ECHS1: variants seen among roughly 807,000 people sequenced by gnomAD.
The protein encoded by ECHS1 is enoyl-CoA hydratase, short chain 1.
ECHS1 carries 19 observed loss-of-function variants against 33.5 expected under a neutral mutation model. The observed-to-expected ratio is 0.57, with a 90% CI of 0.40 to 0.83. The LOEUF (loss-of-function observed/expected upper bound fraction) is 0.83, where lower values mean the gene tolerates loss of function less well. ECHS1 is among the 40% of genes least tolerant of loss of function. The pLI is 0.00. For synonymous variants in ECHS1, 158 were observed against 146.6 expected (o/e 1.08, Z -0.56); for missense variants, 365 against 381.3 (o/e 0.96, Z 0.36).
At chr10:133,368,777 G>A (rs911939260) in intron 4 of ECHS1, 146 bp downstream of exon 4, 31 of 684,976 alleles carry the variant, frequency 4.5e-5, no homozygotes, top group African/African-American at 2.2e-4. Context: ...TCTAGCCTCC[G>A]TGGCTGTCCA....
Position 133,370,541 on chromosome 10 carries a change from C to T in ECHS1, c.286+19G>A, listed in dbSNP as rs762333351. 28 of 1,508,582 alleles carry T rather than the reference C, an allele frequency of 1.9e-5. No individual in the cohort carries two copies. Among genetic ancestry groups the T allele is most frequent in the Middle Eastern group, 1.9e-4 (1 of 5,226 alleles). 93.4% of individuals were successfully genotyped at this position (1,508,582 alleles called of 1,614,324 possible). On this transcript the variant is annotated intron_variant, in intron 2 of 7. Transcript: ENST00000368547. ...TCCCACATCTGCCCAGACACAAAGG[C>T]CTCTGCTGCCGCGCGTACCTGCAAA...
intron 1 of ECHS1, chr10:133,371,670 G>C (rs1191823098): frequency 6.5e-6 from 1 of 154,650 alleles, no homozygotes; most frequent in Non-Finnish European, 1.5e-5. Context: ...TGGACAGCAA[G>C]GTGGGAAGGA....
intron 1 of ECHS1, chr10:133,371,568 C>G (rs1010820656): frequency 6.5e-6 from 1 of 154,586 alleles, no homozygotes. Flanking sequence ...GCATTAAGAT[C>G]AGGCACAGGT....
chr10:133,372,172 A>G (rs946379178), intron 1 of ECHS1, among the ~76,000 whole-genome samples: 4 of 152,230 alleles, frequency 2.6e-5, no homozygotes, highest in African/African-American at 9.6e-5. Context: ...AAGATCCAGG[A>G]AAGGGCTGCT....
rs1849005206 is a variant in ECHS1 at position 133,364,578 on chromosome 10, G to T, written c.807+80C>A. 5.3e-6 allele frequency: 6 copies of T among 1,137,442 alleles called. No homozygotes were observed. The South Asian group carries it at 7.6e-5, about 14-fold the overall frequency. The allele number at this position is 1,137,442 out of a possible 1,614,324, so 70.5% of individuals were successfully genotyped here. On this transcript the variant is annotated intron_variant, in intron 7 of 7. Transcript: ENST00000368547. ...TGACCAGAAAGAAACGATACTTAAT[G>T]ATAAAATTTAAAAGGAAATTCCCAG...
rs186464506 is a variant in ECHS1, at chr10:133,366,773, T to C, written c.619+116A>G. ...ACCCATGAGGGGGACACCTGGATGC[T>C]GCCCCGGGTTTCTGTGGGGCTCCCC... On this transcript the variant is annotated intron_variant, in intron 5 of 7. Transcript: ENST00000368547. The C allele has an allele frequency of 4.9e-3, 3,541 of 717,640 alleles. 172 individuals carry two copies. In the African/African-American group the frequency reaches 0.062, roughly 12 times the overall value. The allele number at this position is 717,640 out of a possible 1,614,324, so 44.5% of individuals were successfully genotyped here.
At chr10:133,370,105 C>G in intron 2 of ECHS1, 74 bp from the exon 3 acceptor site, 1 of 1,576,530 alleles carries the variant, frequency 6.3e-7, no homozygotes. Context: ...CTCAGACCAA[C>G]AAGGAACTTC....
At chr10:133,372,272 A>G (rs1849118242) in intron 1 of ECHS1, among the ~76,000 whole-genome samples, 1 of 152,212 alleles carries the variant, frequency 6.6e-6, no homozygotes, top group South Asian at 2.1e-4. Flanking sequence ...TGAGGGAGGA[A>G]GAGGAAGCAA....
chr10:133,365,838 G>T, intron 6 of ECHS1, 138 bp downstream of exon 6: 2 of 1,067,486 alleles, frequency 1.9e-6, no homozygotes, highest in Non-Finnish European at 1.4e-6. Flanking sequence ...TCTACAGACA[G>T]CAGAACTGAG....
At chr10:133,363,804 T>G (rs1848997137) in intron 7 of ECHS1, among the ~76,000 whole-genome samples, 1 of 152,138 alleles carries the variant, frequency 6.6e-6, no homozygotes, top group African/African-American at 2.4e-5. Context: ...AAATTAAAAT[T>G]ATGATGGTAA....
chr10:133,370,125 C>T (rs1157979478), intron 2 of ECHS1, 94 bp from the exon 3 acceptor site: 6 of 1,521,592 alleles, frequency 3.9e-6, no homozygotes, highest in African/African-American at 1.4e-5. Flanking sequence ...CAGAGCACAC[C>T]AGACACAGGC....
At position 133,370,553 on chromosome 10, in the gene ECHS1, C is replaced by T. The variant is rs368743166; in HGVS notation, c.286+7G>A. 1.0e-5 allele frequency: 16 copies of T among 1,545,740 alleles called. No individual in the cohort carries two copies. In the African/African-American group the frequency reaches 1.1e-4, roughly 11 times the overall value. Reference sequence around the variant, plus strand: ...CCAGACACAAAGGCCTCTGCTGCCGCGCGTACCTGCAAAGGCCTTATCCCC... The same window carrying T: ...CCAGACACAAAGGCCTCTGCTGCCGTGCGTACCTGCAAAGGCCTTATCCCC... On this transcript the variant is annotated splice_region_variant and intron_variant, in intron 2 of 7. Transcript: ENST00000368547.
intron 4 of ECHS1, among the ~76,000 whole-genome samples, chr10:133,367,727 C>T (rs538330206): frequency 7.2e-4 from 109 of 151,758 alleles, no homozygotes; most frequent in African/African-American, 2.5e-3. Context: ...TTTCATGCTC[C>T]TCCCGTACTC....
intron 1 of ECHS1, among the ~76,000 whole-genome samples, chr10:133,371,140 T>G (rs1435190965): frequency 2.0e-5 from 3 of 151,774 alleles, no homozygotes; most frequent in East Asian, 1.9e-4. Flanking sequence ...AGTCGGGTGT[T>G]GTGGCGGGCG....
At chr10:133,371,793 T>G (rs1375058936) in intron 1 of ECHS1, 1 of 154,390 alleles carries the variant, frequency 6.5e-6, no homozygotes, top group African/African-American at 2.4e-5. Context: ...ATAGTCCCTG[T>G]GCTATGGGTT....
At chr10:133,373,189 G>C in intron 1 of ECHS1, 57 bp downstream of exon 1, 1 of 1,336,744 alleles carries the variant, frequency 7.5e-7, no homozygotes, top group Non-Finnish European at 9.7e-7. Flanking sequence ...TCTGGTCTGG[G>C]CGTGCAGGTC....
At chr10:133,371,459 G>A (rs1033101393) in intron 1 of ECHS1, 8 of 154,578 alleles carry the variant, frequency 5.2e-5, no homozygotes, top group African/African-American at 1.9e-4. Context: ...AGGTGAGGGG[G>A]TGTAAGGCAG....
intron 4 of ECHS1, among the ~76,000 whole-genome samples, chr10:133,367,983 A>T (rs890743433): frequency 4.6e-5 from 7 of 152,138 alleles, no homozygotes; most frequent in Non-Finnish European, 1.0e-4. Context: ...AATAAATATC[A>T]GTGCGCCCAG....
chr10:133,372,077 C>A (rs148408333), intron 1 of ECHS1, among the ~76,000 whole-genome samples: 1 of 152,216 alleles, frequency 6.6e-6, no homozygotes, highest in Admixed American at 6.5e-5. Context: ...TAGGCATTAG[C>A]CACTGTGCCC....
Sources: gnomAD v4.1 joint callset for allele counts (sites outside exome capture counted in the v4.1 genomes callset) on GRCh38, gnomAD v4.1.1 for gene constraint, MANE v1.5 for transcripts, NCBI Gene and HGNC (gene_info 2026-07-23, HGNC 2026-07-21) for gene names.